TEX2: variants seen among roughly 807,000 people sequenced by gnomAD.
TEX2 encodes the protein testis expressed 2.
In TEX2, 53 loss-of-function variants were observed where a neutral mutation model predicts 106.9. The ratio of observed to expected loss-of-function variants is 0.50; its 90% CI spans 0.40 to 0.62. The LOEUF is 0.62. TEX2 is among the 20% of genes least tolerant of loss of function. The probability of loss-of-function intolerance (pLI) is 0.00; values close to 1 mark genes in which losing one functional copy is unlikely to be tolerated. For missense variants in TEX2, 1,207 were observed against 1,379.0 expected, an observed-to-expected ratio of 0.88 and a Z score of 1.98; for synonymous variants, 523 against 534.8, an observed-to-expected ratio of 0.98 and a Z score of 0.30.
At chr17:64,181,246 G>A (rs1030298991) in intron 5 of TEX2, among the ~76,000 whole-genome samples, 14 of 152,220 alleles carry the variant, frequency 9.2e-5, no homozygotes, top group African/African-American at 3.4e-4. Context: ...GGGAGGCCAA[G>A]GCGGGCAAAT....
intron 4 of TEX2, among the ~76,000 whole-genome samples, chr17:64,191,832 A>T (rs866445012): frequency 1.3e-5 from 1 of 76,798 alleles, no homozygotes; most frequent in East Asian, 6.9e-4. Flanking sequence ...AAAAAAAAAA[A>T]AAAAAAAAAA....
At chr17:64,196,804 T>A (rs534409853) in intron 2 of TEX2, among the ~76,000 whole-genome samples, 7 of 152,112 alleles carry the variant, frequency 4.6e-5, no homozygotes, top group African/African-American at 1.7e-4. Context: ...CAGTCTTGCA[T>A]TCTCAGGATT....
intron 5 of TEX2, among the ~76,000 whole-genome samples, chr17:64,184,412 A>G (rs1295974717): frequency 1.3e-5 from 2 of 152,076 alleles, no homozygotes; most frequent in African/African-American, 4.8e-5. Flanking sequence ...CCGTTGCTTA[A>G]TCTGGTTATT....
chr17:64,241,221 G>C (rs1220003103), intron 1 of TEX2, among the ~76,000 whole-genome samples: 1 of 152,216 alleles, frequency 6.6e-6, no homozygotes, highest in East Asian at 1.9e-4. Context: ...ACTGTCTAAT[G>C]TCTGGCAGCT....
intron 1 of TEX2, among the ~76,000 whole-genome samples, chr17:64,215,859 T>C (rs1290419056): frequency 6.6e-6 from 1 of 152,186 alleles, no homozygotes; most frequent in African/African-American, 2.4e-5. Flanking sequence ...TGGCAACTGA[T>C]ATTACCAACA....
chr17:64,244,596 CT>C (rs1278109683), intron 1 of TEX2, among the ~76,000 whole-genome samples: 1 of 152,138 alleles, frequency 6.6e-6, no homozygotes, highest in East Asian at 1.9e-4. Context: ...CCCAGGCAAG[CT>C]TTTTTCTTCA....
In TEX2 at chr17:64,213,713, T is replaced by C; in HGVS notation, c.505A>G (p.Lys169Glu). Residue 169 changes from lysine to glutamate, a missense_variant, in exon 2 of 12, where the codon AAG becomes GAG. By Grantham distance (56) the Lys-to-Glu change is moderately conservative (BLOSUM62 1). Transcript: ENST00000584379. This position sits in a 1 kb window ranked among gnomAD's most constrained non-coding sequence, Gnocchi z 4.4. ...SSSSPLSSPS[K>E]SPILSSSAST... ...GCACTGGATGAGAGGATGGGAGACT[T>C]AGAAGGAGAGGACAATGGGGAGGAA... 1.2e-6 allele frequency: 2 copies of C among 1,613,976 alleles called. No homozygotes were observed. Among genetic ancestry groups the C allele is most frequent in the Non-Finnish European group, 1.7e-6 (2 of 1,179,984 alleles).
chr17:64,156,800 C>G (rs2030649651), intron 8 of TEX2, among the ~76,000 whole-genome samples: 1 of 152,202 alleles, frequency 6.6e-6, no homozygotes. Context: ...AAAAGGCTGC[C>G]TGCAAGCTCT....
intron 2 of TEX2, among the ~76,000 whole-genome samples, chr17:64,199,153 C>T (rs564617731): frequency 2.0e-4 from 31 of 152,314 alleles, no homozygotes; most frequent in Non-Finnish European, 4.0e-4. Context: ...TCAGAAAATG[C>T]AGACTTGTCC....
At chr17:64,222,426 G>C (rs1233797570) in intron 1 of TEX2, among the ~76,000 whole-genome samples, 10 of 151,248 alleles carry the variant, frequency 6.6e-5, no homozygotes, top group Non-Finnish European at 1.0e-4. Flanking sequence ...GCTGAGGGAG[G>C]AGAATCGCTT....
At position 64,188,260 on chromosome 17, in the gene TEX2, C is replaced by T. The variant is rs527473632; in HGVS notation, c.2332G>A (p.Val778Met). The change falls in exon 5 of 12, where the codon GTG becomes ATG. Residue 778 changes from valine (V) to methionine (M), a missense_variant. Transcript: ENST00000584379. ...VRQKMLLDYSVYMGRCVPQES... is the reference protein window; with the variant it reads ...VRQKMLLDYSMYMGRCVPQES... ...TGGGGGACACACCTGCCCATGTACA[C>T]GCTGTAGTCGAGAAGCATCTTCTGC... is the stretch of plus-strand genomic sequence containing the variant. 6.0e-5 allele frequency: 97 copies of T among 1,614,006 alleles called. 1 individual carries two copies. The highest frequency in any genetic ancestry group is 4.5e-4 in the Admixed American group (27 of 60,016).
intron 1 of TEX2, among the ~76,000 whole-genome samples, chr17:64,214,550 T>C (rs1338126831): frequency 2.0e-5 from 3 of 152,216 alleles, no homozygotes; most frequent in Admixed American, 6.5e-5. Flanking sequence ...CAATTTTCTA[T>C]CTTAAGCCTT....
intron 7 of TEX2, among the ~76,000 whole-genome samples, chr17:64,170,817 T>G (rs1478189172): frequency 6.6e-6 from 1 of 151,980 alleles, no homozygotes; most frequent in Non-Finnish European, 1.5e-5. Context: ...ACTTTTTTAG[T>G]AGAGACGGTG....
At chr17:64,229,283 C>T (rs2033598490) in intron 1 of TEX2, among the ~76,000 whole-genome samples, 1 of 152,192 alleles carries the variant, frequency 6.6e-6, no homozygotes, top group African/African-American at 2.4e-5. Flanking sequence ...TAAATTTCTG[C>T]CCATTCAGTG....
chr17:64,149,135 G>C (rs540154811), intron 11 of TEX2, 44 bp from the exon 12 acceptor site: 1 of 1,603,408 alleles, frequency 6.2e-7, no homozygotes, highest in African/African-American at 1.3e-5. Context: ...AGAATGCCTT[G>C]CCAGGCTGTC....
At chr17:64,184,273 C>A (rs978322476) in intron 5 of TEX2, among the ~76,000 whole-genome samples, 1 of 149,478 alleles carries the variant, frequency 6.7e-6, no homozygotes, top group Non-Finnish European at 1.5e-5. Flanking sequence ...TTTTTTTTTT[C>A]TTCTTTTTTG....
intron 5 of TEX2, among the ~76,000 whole-genome samples, chr17:64,187,395 G>A (rs561645929): frequency 2.1e-4 from 32 of 152,074 alleles, no homozygotes; most frequent in African/African-American, 7.5e-4. Flanking sequence ...TGGCCTCTGC[G>A]TTCTCTCACG....
chr17:64,181,053 A>C (rs985774276), intron 5 of TEX2, among the ~76,000 whole-genome samples: 2 of 152,236 alleles, frequency 1.3e-5, no homozygotes, highest in African/African-American at 4.8e-5. Context: ...ATGCATATTC[A>C]CTGCAGAAAA....
At chr17:64,167,206 G>A (rs1399396155) in intron 7 of TEX2, among the ~76,000 whole-genome samples, 2 of 152,208 alleles carry the variant, frequency 1.3e-5, no homozygotes, top group East Asian at 1.9e-4. Flanking sequence ...CATTGTGTGC[G>A]ATTTCATTCA....
Sources: allele counts gnomAD v4.1 joint callset (sites outside exome capture counted in the v4.1 genomes callset), GRCh38; gene constraint gnomAD v4.1.1; non-coding constraint Gnocchi (gnomAD v3.1); transcripts MANE v1.5; gene names NCBI Gene and HGNC (gene_info 2026-07-23, HGNC 2026-07-21).